Variants in ERFE observed in about 807,000 individuals in gnomAD.
The protein encoded by ERFE is complement C1q tumor necrosis factor-related protein 15.
ERFE carries 25 observed loss-of-function variants against 26.6 expected under a neutral mutation model. That is an observed-to-expected ratio of 0.94 (90% CI 0.69 to 1.31). The LOEUF (loss-of-function observed/expected upper bound fraction) is 1.31. ERFE is among the 40% of genes most tolerant of loss of function. ERFE has a pLI of 0.00. For synonymous variants in ERFE, 206 were observed against 204.5 expected (o/e 1.01, Z -0.06); for missense variants, 447 against 440.2 (o/e 1.02, Z -0.14).
At chr2:238,160,775 C>T (rs1692926708) in intron 1 of ERFE, among the ~76,000 whole-genome samples, 1 of 152,204 alleles carries the variant, frequency 6.6e-6, no homozygotes, top group African/African-American at 2.4e-5. Context: ...AGGGTCCTTC[C>T]GTCAGCCCCC....
chr2:238,162,913 C>A, intron 3 of ERFE, 75 bp downstream of exon 3: 1 of 1,194,894 alleles, frequency 8.4e-7, no homozygotes, highest in South Asian at 1.5e-5. Context: ...GAGGAGCTGA[C>A]AGGGCCAACC....
In ERFE at chr2:238,168,567, T is replaced by C; in HGVS notation, c.*1513T>C. 2.4e-6 allele frequency: 1 copy of C among 421,200 alleles called. No individual in the cohort carries two copies. Among genetic ancestry groups the C allele is most frequent in the South Asian group, 1.8e-5 (1 of 56,506 alleles). The allele number at this position is 421,200 out of a possible 1,614,324, so 26.1% of individuals were successfully genotyped here. On this transcript the variant is annotated 3_prime_UTR_variant, in exon 8 of 8. Transcript: ENST00000546354. ...CCAAACCCCAACATCGAATCAAACA[T>C]CTCCATCCCCAAGTGCAGTAACACA...
rs1559284146 is a variant in ERFE, at chr2:238,168,580, G to GGTTT, written c.*1526_*1527insGTTT. 6.1e-5 allele frequency: 25 copies of GGTTT among 408,820 alleles called. No individual in the cohort carries two copies. Among genetic ancestry groups the GGTTT allele is most frequent in the Non-Finnish European group, 1.1e-4 (22 of 197,310 alleles). The allele number at this position is 408,820 out of a possible 1,614,324, so 25.3% of individuals were successfully genotyped here. A position where few individuals can be genotyped will look rare whatever the true frequency, so the allele number is the denominator to read the frequency against. On this transcript the variant is annotated 3_prime_UTR_variant, in exon 8 of 8. Coordinates refer to ENST00000546354, the MANE Select transcript of ERFE (RefSeq NM_001291832.2). ...TCGAATCAAACATCTCCATCCCCAA[G>GGTTT]TGCAGTAACACACAAAAACCAAACA...
intron 1 of ERFE, among the ~76,000 whole-genome samples, chr2:238,159,568 C>T (rs1351374904): frequency 2.0e-5 from 3 of 152,228 alleles, no homozygotes; most frequent in Non-Finnish European, 4.4e-5. Context: ...TTACTGCCAC[C>T]GCCCCCAATC....
chr2:238,167,199 A>G lies in ERFE; in HGVS notation c.*145A>G, dbSNP rs1693053623. 13 of 871,706 alleles carry G rather than the reference A, an allele frequency of 1.5e-5. No homozygotes were observed. The highest frequency in any genetic ancestry group is 1.5e-4 in the African/African-American group (9 of 60,390). The allele number at this position is 871,706 out of a possible 1,614,324, so 54.0% of individuals were successfully genotyped here. A position where few individuals can be genotyped will look rare whatever the true frequency, so the allele number is the denominator to read the frequency against. On this transcript the variant is annotated 3_prime_UTR_variant, in exon 8 of 8. Transcript: ENST00000546354. ...CACTGGCCACTGCAGTTCAGCCCAC[A>G]GAGCCACTGCAGGCAGGCCTACGGA...
At chr2:238,161,306 A>G (rs1692935223) in intron 1 of ERFE, among the ~76,000 whole-genome samples, 1 of 152,202 alleles carries the variant, frequency 6.6e-6, no homozygotes, top group Non-Finnish European at 1.5e-5. Flanking sequence ...CCCGATATCC[A>G]AGCCCTGCAC....
At chr2:238,162,936 C>T (rs1201671646) in intron 3 of ERFE, 98 bp downstream of exon 3, 14 of 950,514 alleles carry the variant, frequency 1.5e-5, no homozygotes, top group Admixed American at 2.6e-5. Context: ...AACACTTCGG[C>T]GGGCACCCAA....
intron 2 of ERFE, 38 bp downstream of exon 2, chr2:238,161,754 G>T (rs747176422): frequency 1.3e-6 from 2 of 1,514,588 alleles, no homozygotes; most frequent in African/African-American, 1.4e-5. Context: ...GCCGTGGGGG[G>T]TTCCGCCTCC....
chr2:238,164,272 C>T lies in ERFE; in HGVS notation c.799C>T (p.Leu267Phe). The change falls in exon 6 of 8, where the codon CTC (leucine) becomes TTC (phenylalanine). Residue 267 changes from leucine to phenylalanine, a missense_variant and splice_region_variant. By Grantham distance (22) the Leu-to-Phe change is conservative. Transcript: ENST00000546354. ...CCACGTCCCACCCTCCCCCGCAGCG[C>T]TCGGGGAGCCGCCGAGGAGGGGGCC... is the stretch of plus-strand genomic sequence containing the variant. ...YALAATLHVA[L>F]GEPPRRGPPR... is the part of the protein sequence containing the mutation. The T allele has an allele frequency of 2.0e-6, 3 of 1,506,314 alleles. No homozygotes were observed. The highest frequency in any genetic ancestry group is 2.6e-6 in the Non-Finnish European group (3 of 1,134,218). The allele number at this position is 1,506,314 out of a possible 1,614,324, so 93.3% of individuals were successfully genotyped here.
chr2:238,168,117 T>G lies in ERFE; in HGVS notation c.*1063T>G, dbSNP rs1574771300. Reference sequence around the variant, plus strand: ...GACGAGAGATGGTCCCGAGAAAGGGTGGTCTTGGGAGGGCTGGTCCCAAGC... The same window carrying G: ...GACGAGAGATGGTCCCGAGAAAGGGGGGTCTTGGGAGGGCTGGTCCCAAGC... On this transcript the variant is annotated 3_prime_UTR_variant, in exon 8 of 8. Coordinates refer to ENST00000546354, the MANE Select transcript of ERFE (RefSeq NM_001291832.2). 1 of 221,876 alleles carries G rather than the reference T, an allele frequency of 4.5e-6. No homozygotes were observed. Among genetic ancestry groups the G allele is most frequent in the Non-Finnish European group, 9.2e-6 (1 of 108,282 alleles). 13.7% of individuals were successfully genotyped at this position (221,876 alleles called of 1,614,324 possible).
At chr2:238,162,660 G>A in intron 2 of ERFE, 76 bp from the exon 3 acceptor site, 1 of 951,188 alleles carries the variant, frequency 1.1e-6, no homozygotes. Flanking sequence ...CCTCTTAGTG[G>A]CAAGAGCTTG....
In ERFE at chr2:238,168,602, A is replaced by C. The variant is rs1693088213; in HGVS notation, c.*1548A>C. 2.6e-6 allele frequency: 1 copy of C among 389,558 alleles called. No individual in the cohort carries two copies. The highest frequency in any genetic ancestry group is 5.3e-6 in the Non-Finnish European group (1 of 188,858). The allele number at this position is 389,558 out of a possible 1,614,324, so 24.1% of individuals were successfully genotyped here. On this transcript the variant is annotated 3_prime_UTR_variant, in exon 8 of 8. Coordinates refer to ENST00000546354, the MANE Select transcript of ERFE (RefSeq NM_001291832.2). ...CAAGTGCAGTAACACACAAAAACCAAACACTCTGCCCTGGGAAAGGCCTGG... is the reference window on the plus strand; with the variant it reads ...CAAGTGCAGTAACACACAAAAACCACACACTCTGCCCTGGGAAAGGCCTGG...
chr2:238,159,530 G>T (rs1692907402), intron 1 of ERFE, among the ~76,000 whole-genome samples: 1 of 152,232 alleles, frequency 6.6e-6, no homozygotes, highest in African/African-American at 2.4e-5. Flanking sequence ...AAATTGGGAA[G>T]AACGCATTTG....
In ERFE at chr2:238,167,438, A is replaced by G. The variant is rs935407609; in HGVS notation, c.*384A>G. ...CTTTTCCACCTCTCTTCATGTTCTC[A>G]TGGAGTGCAAAGTGCACCAGCCAGG... On this transcript the variant is annotated 3_prime_UTR_variant, in exon 8 of 8. Coordinates refer to ENST00000546354, the MANE Select transcript of ERFE (RefSeq NM_001291832.2). 4.0e-6 allele frequency: 2 copies of G among 494,410 alleles called. No individual in the cohort carries two copies. Among genetic ancestry groups the G allele is most frequent in the Non-Finnish European group, 7.9e-6 (2 of 252,272 alleles). The allele number at this position is 494,410 out of a possible 1,614,324, so 30.6% of individuals were successfully genotyped here. A position where few individuals can be genotyped will look rare whatever the true frequency, so the allele number is the denominator to read the frequency against.
At chr2:238,162,902 C>T (rs1692961892) in intron 3 of ERFE, 64 bp downstream of exon 3, 4 of 1,357,186 alleles carry the variant, frequency 2.9e-6, no homozygotes, top group Non-Finnish European at 3.0e-6. Context: ...GAGGGTGTCC[C>T]GAGGAGCTGA....
In ERFE at chr2:238,167,164, A is replaced by G; in HGVS notation, c.*110A>G. 3.5e-6 allele frequency: 4 copies of G among 1,154,610 alleles called. No homozygotes were observed. Among genetic ancestry groups the G allele is most frequent in the Non-Finnish European group, 5.0e-6 (4 of 797,938 alleles). The allele number at this position is 1,154,610 out of a possible 1,614,324, so 71.5% of individuals were successfully genotyped here. A position where few individuals can be genotyped will look rare whatever the true frequency, so the allele number is the denominator to read the frequency against. On this transcript the variant is annotated 3_prime_UTR_variant, in exon 8 of 8. Coordinates refer to ENST00000546354, the MANE Select transcript of ERFE (RefSeq NM_001291832.2). ...ACATGGAGGAGGAGGCCCACCCGGA[A>G]CTCTGCCCACACTGGCCACTGCAGT...
At chr2:238,162,935 G>A in intron 3 of ERFE, 97 bp downstream of exon 3, 1 of 958,756 alleles carries the variant, frequency 1.0e-6, no homozygotes, top group South Asian at 1.7e-5. Context: ...CAACACTTCG[G>A]CGGGCACCCA....
In ERFE at chr2:238,167,501, A is replaced by AG. The variant is rs1239896559; in HGVS notation, c.*452dup. The stretch of plus-strand genomic sequence containing the variant: ...GAGAGGGTCAGCTGACGCAGGGCTG[A>AG]GGGGGCTGCCACAGGGACGTACGCT... On this transcript the variant is annotated 3_prime_UTR_variant, in exon 8 of 8. Transcript: ENST00000546354. 4.3e-6 allele frequency: 2 copies of AG among 463,584 alleles called. No homozygotes were observed. The highest frequency in any genetic ancestry group is 2.0e-5 in the African/African-American group (1 of 50,462). 28.7% of individuals were successfully genotyped at this position (463,584 alleles called of 1,614,324 possible).
chr2:238,159,891 G>A (rs778894950), intron 1 of ERFE, among the ~76,000 whole-genome samples: 23 of 152,198 alleles, frequency 1.5e-4, no homozygotes, highest in East Asian at 3.9e-4. Flanking sequence ...CGGGGTGGGC[G>A]GCCGGTGCTG....
Sources: gnomAD v4.1 joint callset for allele counts (sites outside exome capture counted in the v4.1 genomes callset) on GRCh38, gnomAD v4.1.1 for gene constraint, MANE v1.5 for transcripts, NCBI Gene and HGNC (gene_info 2026-07-23, HGNC 2026-07-21) for gene names.